NOD2: variants seen among roughly 807,000 people sequenced by gnomAD.
NOD2 encodes the protein nucleotide-binding oligomerization domain-containing protein 2.
A neutral mutation model predicts 90.9 loss-of-function variants in NOD2; 86 were observed. That is an observed-to-expected ratio of 0.95 (90% CI 0.79 to 1.13). NOD2 has a LOEUF of 1.13. Ranked by LOEUF, NOD2 falls within the 50% of genes most tolerant of loss-of-function variation. The pLI is 0.00. For synonymous variants in NOD2, 581 were observed against 554.6 expected, an observed-to-expected ratio of 1.05 and a Z score of -0.67; for missense variants, 1,238 against 1,283.8, an observed-to-expected ratio of 0.96 and a Z score of 0.55.
At chr16:50,709,894 C>G (rs1252420562) in intron 3 of NOD2, 1 of 451,918 alleles carries the variant, frequency 2.2e-6, no homozygotes, top group Non-Finnish European at 4.4e-6. Context: ...TTTTATCTCG[C>G]TGCCTCCTGA....
Position 50,711,460 on chromosome 16 carries a change from A to G in NOD2, c.1468A>G (p.Ile490Val). Reference sequence around the variant, plus strand: ...GACCACTACAGATATGTACCTGCTGATTCTGCAGCATTTTCTGCTGCATGC... The same window carrying G: ...GACCACTACAGATATGTACCTGCTGGTTCTGCAGCATTTTCTGCTGCATGC... Reference protein sequence around the residue: ...PKTTTDMYLLILQHFLLHATP... With the variant: ...PKTTTDMYLLVLQHFLLHATP... Residue 490 changes from isoleucine (I) to valine (V), a missense_variant, in exon 4 of 12, where the codon ATT (isoleucine) becomes GTT (valine). By Grantham distance (29) the Ile-to-Val change is conservative (BLOSUM62 3). Around this residue, in one of 3 missense-constraint regions of NOD2, gnomAD observed 667 missense variants for 688.7 expected, o/e 0.97. Transcript: ENST00000647318. The G allele has an allele frequency of 6.2e-7, 1 of 1,613,440 alleles. No homozygotes were observed. Among genetic ancestry groups the G allele is most frequent in the Non-Finnish European group, 8.5e-7 (1 of 1,179,984 alleles).
chr16:50,706,782 C>T (rs886072996), intron 2 of NOD2, among the ~76,000 whole-genome samples: 1 of 150,476 alleles, frequency 6.6e-6, no homozygotes, highest in South Asian at 2.1e-4. Context: ...CTGCAACCTC[C>T]GCCTCCCAGG....
chr16:50,704,685 C>G (rs1002446264), intron 2 of NOD2, among the ~76,000 whole-genome samples: 3 of 152,088 alleles, frequency 2.0e-5, no homozygotes, highest in Non-Finnish European at 4.4e-5. Flanking sequence ...AGGCACCCAC[C>G]ACCACACCCT....
Position 50,722,699 on chromosome 16 carries a change from G to A in NOD2, c.2711G>A (p.Trp904Ter). The part of the protein sequence containing the change: ...EALGDHQSLR[W>*]LSLVGNNIGS... ...TTGGGTGATCACCAGAGCTTGAGGT[G>A]GCTCAGGTAAGCTTCAGAGTCTATC... Residue 904 changes from tryptophan to a stop codon, truncating the protein, a stop_gained, in exon 8 of 12, where the codon TGG becomes TAG. Coordinates refer to ENST00000647318, the MANE Select transcript of NOD2 (RefSeq NM_001370466.1). LOFTEE classifies it high-confidence loss of function. 2 of 1,614,140 alleles carry A rather than the reference G, an allele frequency of 1.2e-6. No homozygotes were observed. Among genetic ancestry groups the A allele is most frequent in the Non-Finnish European group, 1.7e-6 (2 of 1,179,942 alleles).
rs1218631858 is a variant in NOD2, at chr16:50,710,790, C to T, written c.798C>T (p.Asp266=). 1 of 1,614,128 alleles carries T rather than the reference C, an allele frequency of 6.2e-7. No homozygotes were observed. The highest frequency in any genetic ancestry group is 2.2e-5 in the East Asian group (1 of 44,866). The change falls in exon 4 of 12, where the codon GAC becomes GAT. Residue 266 remains aspartate, a synonymous_variant. Coordinates refer to ENST00000647318, the MANE Select transcript of NOD2 (RefSeq NM_001370466.1). ...CTGGCCACCTCAATGACGATGCGGACACTGTGCTGGTGGTGGGTGAGGCGG... is the reference window on the plus strand; with the variant it reads ...CTGGCCACCTCAATGACGATGCGGATACTGTGCTGGTGGTGGGTGAGGCGG... The part of the protein sequence containing the change: ...STPGHLNDDA[D]TVLVVGEAGS...
At chr16:50,708,060 A>G in intron 3 of NOD2, 100 bp downstream of exon 3, 1 of 821,944 alleles carries the variant, frequency 1.2e-6, no homozygotes, top group East Asian at 2.5e-5. Context: ...ATATGCTGGC[A>G]GTATAGCCTC....
Position 50,699,204 on chromosome 16 carries a change from C to T in NOD2, c.-8-284C>T, listed in dbSNP as rs149425221. On this transcript the variant is annotated intron_variant, in intron 1 of 11. Coordinates refer to ENST00000647318, the MANE Select transcript of NOD2 (RefSeq NM_001370466.1). ...CTCTTGCTCCTAATATTACCTCAAG[C>T]CTTTTTAAACGTTTTAAGCCGGAGA... Among the ~76,000 whole-genome samples, 609 of 152,250 alleles carry T rather than the reference C, an allele frequency of 4.0e-3. 2 individuals are homozygous for T. The highest frequency in any genetic ancestry group is 7.8e-3 in the Admixed American group (120 of 15,298).
rs104895458 is a variant in NOD2, at chr16:50,731,645, C to G, written c.2970-102C>G. ...AAACACTGCAGCTGGGCCAGAGAGT[C>G]AGCCCATCCCAGGCATGGGTTTAAA... On this transcript the variant is annotated intron_variant, in intron 11 of 11. Transcript: ENST00000647318. 3 of 828,522 alleles carry G rather than the reference C, an allele frequency of 3.6e-6. No homozygotes were observed. Among genetic ancestry groups the G allele is most frequent in the Non-Finnish European group, 6.3e-6 (3 of 478,894 alleles). 51.3% of individuals were successfully genotyped at this position (828,522 alleles called of 1,614,324 possible). A position where few individuals can be genotyped will look rare whatever the true frequency, so the allele number is the denominator to read the frequency against.
Position 50,725,669 on chromosome 16 carries a change from C to G in NOD2, c.2885+97C>G, listed in dbSNP as rs1965240642. ...TGGGCCGCTCTCCGCTGGGCTAACT[C>G]ATGTGAGGTGGCCTGGTAGAACAGC... On this transcript the variant is annotated intron_variant, in intron 10 of 11. Coordinates refer to ENST00000647318, the MANE Select transcript of NOD2 (RefSeq NM_001370466.1). The G allele has an allele frequency of 3.2e-6, 3 of 925,848 alleles. No individual in the cohort carries two copies. In the Admixed American group the frequency reaches 5.3e-5, roughly 16 times the overall value. 57.4% of individuals were successfully genotyped at this position (925,848 alleles called of 1,614,324 possible). A position where few individuals can be genotyped will look rare whatever the true frequency, so the allele number is the denominator to read the frequency against.
chr16:50,705,204 G>GT (rs1567385274), intron 2 of NOD2, among the ~76,000 whole-genome samples: 1 of 152,160 alleles, frequency 6.6e-6, no homozygotes, highest in Non-Finnish European at 1.5e-5. Context: ...GGGTAGGTTT[G>GT]ACTGATTCTT....
chr16:50,725,837 A>G (rs1965245417), intron 10 of NOD2, among the ~76,000 whole-genome samples: 1 of 152,204 alleles, frequency 6.6e-6, no homozygotes, highest in South Asian at 2.1e-4. Flanking sequence ...CCAGTTATCA[A>G]TGAGGGAAAT....
intron 4 of NOD2, chr16:50,712,650 GTTA>G (rs1190244278): frequency 1.9e-6 from 1 of 521,682 alleles, no homozygotes; most frequent in Non-Finnish European, 3.5e-6. Context: ...AGGCAGGAAT[GTTA>G]TTATCTCCAT....
rs531906536 is a variant in NOD2 at position 50,710,814 on chromosome 16, G to A, written c.822G>A (p.Ala274=). ...ACACTGTGCTGGTGGTGGGTGAGGC[G>A]GGCAGTGGCAAGAGCACGCTCCTGC... The part of the protein sequence containing the change: ...DADTVLVVGE[A]GSGKSTLLQR... Residue 274 remains alanine, a synonymous_variant, in exon 4 of 12, where the codon GCG becomes GCA. Transcript: ENST00000647318. 12 of 1,614,054 alleles carry A rather than the reference G, an allele frequency of 7.4e-6. No individual in the cohort carries two copies. Among genetic ancestry groups the A allele is most frequent in the South Asian group, 2.2e-5 (2 of 91,074 alleles).
At chr16:50,728,229 A>C (rs1965332978) in intron 10 of NOD2, 1 of 257,010 alleles carries the variant, frequency 3.9e-6, no homozygotes. Context: ...TCAATTGGTC[A>C]TTGTCAGCTT....
At position 50,697,093 on chromosome 16, in the gene NOD2, T is replaced by G. The variant is rs1474229424; in HGVS notation, c.-8-2395T>G. 9.4e-6 allele frequency: 7 copies of G among 747,828 alleles called. No homozygotes were observed. In the East Asian group the frequency reaches 1.9e-4, roughly 20 times the overall value. The allele number at this position is 747,828 out of a possible 1,614,324, so 46.3% of individuals were successfully genotyped here. On this transcript the variant is annotated intron_variant, in intron 1 of 11. Coordinates refer to ENST00000647318, the MANE Select transcript of NOD2 (RefSeq NM_001370466.1). ...TTCTGGAAGGCTGGTTGGCCAACTC[T>G]GGCCTCCGGCTTTTCCTTTGGGAAT...
chr16:50,701,396 A>G (rs1419933814), intron 2 of NOD2, among the ~76,000 whole-genome samples: 2 of 152,236 alleles, frequency 1.3e-5, no homozygotes, highest in East Asian at 1.9e-4. Context: ...TGTTGTTCAC[A>G]TGAGTCTGGA....
At chr16:50,707,002 C>T (rs1359261530) in intron 2 of NOD2, among the ~76,000 whole-genome samples, 1 of 152,164 alleles carries the variant, frequency 6.6e-6, no homozygotes, top group Non-Finnish European at 1.5e-5. Flanking sequence ...TCAGCCATAT[C>T]TTGCTATTTT....
intron 8 of NOD2, among the ~76,000 whole-genome samples, 177 bp from the exon 9 acceptor site, chr16:50,723,124 T>G (rs1596901878): frequency 7.4e-6 from 1 of 134,858 alleles, no homozygotes; most frequent in African/African-American, 2.8e-5. Context: ...CAATTAGTGA[T>G]GTCTAAAAAG....
At chr16:50,728,142 C>A in intron 10 of NOD2, 1 of 210,836 alleles carries the variant, frequency 4.7e-6, no homozygotes, top group African/African-American at 2.3e-5. Flanking sequence ...CAATTTGCTT[C>A]AAATGCTGAA....
Sources: allele counts gnomAD v4.1 joint callset (sites outside exome capture counted in the v4.1 genomes callset), GRCh38; gene constraint gnomAD v4.1.1; regional missense constraint gnomAD v4.1.1; transcripts MANE v1.5; gene names NCBI Gene and HGNC (gene_info 2026-07-23, HGNC 2026-07-21).